The following PLEKHA7 variants were observed in gnomAD, a reference collection of about 807,000 sequenced individuals.
The protein encoded by PLEKHA7 is pleckstrin homology domain containing A7.
Under a neutral mutation model 170.0 loss-of-function variants are expected in PLEKHA7, and 104 were observed. That is an observed-to-expected ratio of 0.61 (90% CI 0.52 to 0.72). The LOEUF (loss-of-function observed/expected upper bound fraction) is 0.72. Among genes scored for constraint, PLEKHA7 ranks in the 30% least tolerant of loss-of-function variants. The probability of loss-of-function intolerance (pLI) is 0.00; values close to 1 mark genes in which losing one functional copy is unlikely to be tolerated. For missense variants in PLEKHA7, 1,615 were observed against 1,671.7 expected, an observed-to-expected ratio of 0.97 and a Z score of 0.59; for synonymous variants, 648 against 660.8, an observed-to-expected ratio of 0.98 and a Z score of 0.30.
chr11:16,940,353 T>C (rs1860606727), intron 3 of PLEKHA7, among the ~76,000 whole-genome samples: 1 of 147,116 alleles, frequency 6.8e-6, no homozygotes, highest in African/African-American at 2.5e-5. Flanking sequence ...AATGGCGTGA[T>C]CTGGGCTCAC....
At chr11:16,794,059 G>A (rs907540868) in intron 19 of PLEKHA7, among the ~76,000 whole-genome samples, 2 of 152,162 alleles carry the variant, frequency 1.3e-5, no homozygotes, top group African/African-American at 4.8e-5. Context: ...TCAGCGGCGG[G>A]TGAAGGGAAG....
intron 3 of PLEKHA7, among the ~76,000 whole-genome samples, chr11:16,919,403 G>T (rs1858924065): frequency 6.6e-6 from 1 of 152,174 alleles, no homozygotes; most frequent in Non-Finnish European, 1.5e-5. Flanking sequence ...AGAACCAGAT[G>T]CAGTGGCTGG....
At chr11:16,976,361 T>C (rs1863063414) in intron 3 of PLEKHA7, among the ~76,000 whole-genome samples, 1 of 152,028 alleles carries the variant, frequency 6.6e-6, no homozygotes, top group Non-Finnish European at 1.5e-5. Flanking sequence ...TTTAAAATGG[T>C]TTTCTTATTC....
At chr11:16,925,500 C>G (rs776736365) in intron 3 of PLEKHA7, among the ~76,000 whole-genome samples, 68 of 152,330 alleles carry the variant, frequency 4.5e-4, no homozygotes, top group Non-Finnish European at 5.7e-4. Context: ...CGCAGACCCC[C>G]CGAAAGTTAC....
chr11:16,991,317 T>C lies in PLEKHA7; in HGVS notation c.221+22672A>G, dbSNP rs117463857. ...TTATTCCAACCACTATTCTAGGCAC[T>C]AGAAGTACAGCCTTGAACAAGACAG... is the stretch of plus-strand genomic sequence containing the variant. On this transcript the variant is annotated intron_variant, in intron 3 of 26. Coordinates refer to ENST00000531066, the MANE Select transcript of PLEKHA7 (RefSeq NM_001329630.2). Among the ~76,000 whole-genome samples, 159 of 152,330 alleles carry C rather than the reference T, an allele frequency of 1.0e-3. 1 individual carries two copies. The highest frequency in any genetic ancestry group is 2.0e-3 in the Non-Finnish European group (134 of 68,028).
At chr11:16,847,341 C>T (rs930458842) in intron 8 of PLEKHA7, among the ~76,000 whole-genome samples, 1 of 152,058 alleles carries the variant, frequency 6.6e-6, no homozygotes, top group South Asian at 2.1e-4. Context: ...ATCCGCCCCC[C>T]TCTGCCTCCC....
intron 3 of PLEKHA7, among the ~76,000 whole-genome samples, chr11:16,903,143 T>C (rs557417659): frequency 5.2e-5 from 8 of 152,394 alleles, no homozygotes; most frequent in Non-Finnish European, 1.0e-4. Flanking sequence ...CCTAGTTCAC[T>C]GTATTAAATC....
chr11:16,940,412 T>A (rs748618477), intron 3 of PLEKHA7, among the ~76,000 whole-genome samples: 1 of 150,932 alleles, frequency 6.6e-6, no homozygotes, highest in Non-Finnish European at 1.5e-5. Context: ...CTCAGCCTCC[T>A]GAGTAGCAGG....
In PLEKHA7 at chr11:16,783,795, G is replaced by A. The variant is rs4757433; in HGVS notation, c.3555C>T (p.Tyr1185=). Residue 1185 remains tyrosine (Y), a synonymous_variant, in exon 25 of 27, where the codon TAC becomes TAT. Transcript: ENST00000531066. The part of the protein sequence containing the change: ...KPEKVSIPER[Y]VELDPEEPPS... ...GTGGCTCTTCGGGATCTAGCTCCAC[G>A]TAGCGCTCAGGGATTGACACCTTCT... is the stretch of plus-strand genomic sequence containing the variant. The A allele has an allele frequency of 1.9e-3, 2,805 of 1,512,736 alleles. 64 individuals are homozygous for A. The East Asian group carries it at 0.04, about 21-fold the overall frequency. 93.7% of individuals were successfully genotyped at this position (1,512,736 alleles called of 1,614,324 possible).
In PLEKHA7 at chr11:16,817,260, T is replaced by C; in HGVS notation, c.1406A>G (p.Asn469Ser). The change falls in exon 11 of 27, where the codon AAC becomes AGC. Residue 469 changes from asparagine to serine, a missense_variant. Asn to Ser is a conservative substitution (Grantham distance 46). Transcript: ENST00000531066. This position sits in a 1 kb window ranked among gnomAD's most constrained non-coding sequence, Gnocchi z 4.4. ...GGTGCTCTTGGGAAGAGTCTGGTAG[T>C]TTTCTGGGAAGGACAGGGATTGGCC... ...GPGQSLSFPE[N>S]YQTLPKSTRH... is the part of the protein sequence containing the mutation. The C allele has an allele frequency of 6.2e-7, 1 of 1,613,534 alleles. No individual in the cohort carries two copies. Among genetic ancestry groups the C allele is most frequent in the African/African-American group, 1.3e-5 (1 of 74,982 alleles).
chr11:16,791,033 T>C lies in PLEKHA7; in HGVS notation c.2912A>G (p.Gln971Arg). ...CACCCTGGAATCCCCATTCACACACTGCCCCAGCTCCCGGTCTCGCTTCCT... is the reference window on the plus strand; with the variant it reads ...CACCCTGGAATCCCCATTCACACACCGCCCCAGCTCCCGGTCTCGCTTCCT... ...DERKRDRELG[Q>R]CVNGDSRVEL... Residue 971 changes from glutamine (Q) to arginine (R), a missense_variant, in exon 20 of 27, where the codon CAG (glutamine) becomes CGG (arginine). By Grantham distance (43) the Gln-to-Arg change is conservative. Transcript: ENST00000531066. The surrounding 1 kb of genome is among the most constrained non-coding windows in gnomAD (Gnocchi z 4.5). The C allele has an allele frequency of 6.2e-7, 1 of 1,614,098 alleles. No homozygotes were observed. The highest frequency in any genetic ancestry group is 8.5e-7 in the Non-Finnish European group (1 of 1,180,024).
At chr11:16,868,796 T>C (rs1014884746) in intron 4 of PLEKHA7, among the ~76,000 whole-genome samples, 5 of 152,110 alleles carry the variant, frequency 3.3e-5, no homozygotes, top group African/African-American at 4.8e-5. Flanking sequence ...CTGGATGGAA[T>C]TGAAATTAAC....
At chr11:16,795,771 AGAGT>A in intron 17 of PLEKHA7, among the ~76,000 whole-genome samples, 1 of 151,972 alleles carries the variant, frequency 6.6e-6, no homozygotes, top group East Asian at 1.9e-4. Flanking sequence ...CCTGGGCAAA[AGAGT>A]GAGACCCTGT....
In PLEKHA7 at chr11:16,976,359, G is replaced by C. The variant is rs942229583; in HGVS notation, c.221+37630C>G. Among the ~76,000 whole-genome samples, 3 of 152,300 alleles carry C rather than the reference G, an allele frequency of 2.0e-5. No individual in the cohort carries two copies. In the East Asian group the frequency reaches 5.8e-4, roughly 29 times the overall value. The stretch of plus-strand genomic sequence containing the variant: ...CTCTGTGGTTTGCCCTATTTAAAAT[G>C]GTTTTCTTATTCAATTTCTAATAGT... On this transcript the variant is annotated intron_variant, in intron 3 of 26. Coordinates refer to ENST00000531066, the MANE Select transcript of PLEKHA7 (RefSeq NM_001329630.2).
At chr11:16,988,078 T>C (rs999056082) in intron 3 of PLEKHA7, among the ~76,000 whole-genome samples, 1 of 152,224 alleles carries the variant, frequency 6.6e-6, no homozygotes, top group African/African-American at 2.4e-5. Context: ...TCCTACTCAC[T>C]ACCTCACCTA....
chr11:17,006,504 T>C (rs1290973821), intron 3 of PLEKHA7, among the ~76,000 whole-genome samples: 1 of 150,606 alleles, frequency 6.6e-6, no homozygotes, highest in Non-Finnish European at 1.5e-5. Flanking sequence ...GGCGCATGCC[T>C]GTAGTCCCAG....
chr11:16,816,379 G>A (rs989371599), intron 11 of PLEKHA7, 115 bp from the exon 12 acceptor site: 8 of 732,008 alleles, frequency 1.1e-5, no homozygotes, highest in African/African-American at 3.5e-5. Context: ...TCTATGAAAT[G>A]AGCACACACA....
At position 16,851,258 on chromosome 11, in the gene PLEKHA7, G is replaced by A; in HGVS notation, c.629C>T (p.Pro210Leu). The change falls in exon 8 of 27, where the codon CCC becomes CTC. Residue 210 changes from proline to leucine, a missense_variant. Physicochemically the swap from Pro to Leu is moderately conservative, Grantham distance 98. Transcript: ENST00000531066. ...SREEAVLGSI[P>L]LPSYVISPVA... The stretch of plus-strand genomic sequence containing the variant: ...AGGAGAGATCACGTAGCTGGGCAAG[G>A]GGATGCTCCCGAGGACCGCTTCTTC... 1 of 1,611,864 alleles carries A rather than the reference G, an allele frequency of 6.2e-7. No individual in the cohort carries two copies. The highest frequency in any genetic ancestry group is 8.5e-7 in the Non-Finnish European group (1 of 1,178,982).
chr11:17,008,322 C>T (rs1312430431), intron 3 of PLEKHA7, among the ~76,000 whole-genome samples: 1 of 152,174 alleles, frequency 6.6e-6, no homozygotes, highest in Non-Finnish European at 1.5e-5. Flanking sequence ...CAGCCTAGTC[C>T]AGTAGCCAAC....
Sources: gnomAD v4.1 joint callset for allele counts (sites outside exome capture counted in the v4.1 genomes callset) on GRCh38, gnomAD v4.1.1 for gene constraint, Gnocchi (gnomAD v3.1) non-coding constraint, MANE v1.5 for transcripts, NCBI Gene and HGNC (gene_info 2026-07-23, HGNC 2026-07-21) for gene names.